NTM: variants seen among roughly 807,000 people sequenced by gnomAD.
NTM encodes neurotrimin.
In NTM, 13 loss-of-function variants were observed where a neutral mutation model predicts 42.1. The observed-to-expected ratio is 0.31, with a 90% CI of 0.20 to 0.49. NTM has a LOEUF of 0.49. Ranked by LOEUF, NTM falls within the 20% of genes least tolerant of loss-of-function variation. NTM has a pLI of 0.99. For missense variants in NTM, 373 were observed against 452.8 expected (o/e 0.82, Z 1.60); for synonymous variants, 187 against 179.2 (o/e 1.04, Z -0.35).
chr11:131,389,551 G>A (rs771706392), intron 1 of NTM, among the ~76,000 whole-genome samples: 3 of 152,186 alleles, frequency 2.0e-5, no homozygotes, highest in African/African-American at 7.2e-5. Context: ...CGGGAAGAAC[G>A]TGTAAAACTA....
intron 1 of NTM, among the ~76,000 whole-genome samples, chr11:131,690,754 G>A: frequency 6.6e-6 from 1 of 152,316 alleles, no homozygotes; most frequent in Admixed American, 6.5e-5. Flanking sequence ...CCACATCCTT[G>A]GGGAACAAAA....
At chr11:131,794,086 T>C (rs548195042) in intron 1 of NTM, among the ~76,000 whole-genome samples, 34 of 152,174 alleles carry the variant, frequency 2.2e-4, no homozygotes, top group Non-Finnish European at 4.3e-4. Flanking sequence ...CATGGACGGT[T>C]CTCCAGGCAG....
chr11:131,597,129 C>G (rs887469267), intron 1 of NTM, among the ~76,000 whole-genome samples: 1 of 152,270 alleles, frequency 6.6e-6, no homozygotes, highest in Non-Finnish European at 1.5e-5. Flanking sequence ...CCTTTGGCAA[C>G]GCCCTCACAC....
At chr11:132,241,152 T>G (rs1047859595) in intron 4 of NTM, among the ~76,000 whole-genome samples, 3 of 152,226 alleles carry the variant, frequency 2.0e-5, no homozygotes, top group Admixed American at 2.0e-4. Flanking sequence ...TACACAGATA[T>G]TCCAGTATTT....
intron 2 of NTM, among the ~76,000 whole-genome samples, chr11:132,081,594 T>C (rs1247849775): frequency 5.3e-5 from 8 of 151,778 alleles, no homozygotes; most frequent in Non-Finnish European, 1.2e-4. Context: ...TAGCCGGACG[T>C]GGTGGCGGGC....
chr11:132,021,637 G>T (rs755583059), intron 2 of NTM, among the ~76,000 whole-genome samples: 2 of 152,002 alleles, frequency 1.3e-5, no homozygotes, highest in African/African-American at 4.8e-5. Flanking sequence ...GGGATTTTTT[G>T]ATGTTTTTAA....
intron 1 of NTM, among the ~76,000 whole-genome samples, chr11:131,867,177 C>T (rs1441307519): frequency 6.6e-6 from 1 of 152,234 alleles, no homozygotes; most frequent in East Asian, 1.9e-4. Context: ...GCTATTTACG[C>T]TTTGTGCAGG....
In NTM at chr11:131,401,828, A is replaced by ATG. The variant is rs1408568609; in HGVS notation, c.82+30941_82+30942insGT. Among the ~76,000 whole-genome samples the ATG allele has an allele frequency of 4.6e-3, 247 of 53,376 alleles. 21 individuals carry two copies. Among genetic ancestry groups the ATG allele is most frequent in the Admixed American group, 0.013 (78 of 6,132 alleles). 35.0% of individuals were successfully genotyped at this position (53,376 alleles called of 152,430 possible). On this transcript the variant is annotated intron_variant, in intron 1 of 8. Transcript: ENST00000683400. ...TATATATATATATATATATATATAT[A>ATG]TATATATATATATATATATATATAT...
At chr11:132,027,567 C>T (rs563178449) in intron 2 of NTM, among the ~76,000 whole-genome samples, 6 of 152,248 alleles carry the variant, frequency 3.9e-5, no homozygotes, top group African/African-American at 1.2e-4. Context: ...TTTCACTCGA[C>T]GCTCCTCTTC....
chr11:131,641,483 G>T (rs1017096617), intron 1 of NTM, among the ~76,000 whole-genome samples: 10 of 152,300 alleles, frequency 6.6e-5, no homozygotes, highest in Middle Eastern at 3.4e-3. Flanking sequence ...GCCTCTCTGA[G>T]ACCTCCATGG....
chr11:131,737,928 T>C (rs1215982921), intron 1 of NTM, among the ~76,000 whole-genome samples: 2 of 152,198 alleles, frequency 1.3e-5, no homozygotes, highest in South Asian at 2.1e-4. Context: ...TCTTTTTTGA[T>C]ATGAAAATTA....
chr11:131,376,606 A>C (rs1460628074), intron 1 of NTM, among the ~76,000 whole-genome samples: 1 of 152,218 alleles, frequency 6.6e-6, no homozygotes, highest in Non-Finnish European at 1.5e-5. Flanking sequence ...CTAAGAAATC[A>C]AATATTGGAA....
At chr11:131,626,140 T>G (rs1021993075) in intron 1 of NTM, among the ~76,000 whole-genome samples, 1 of 152,122 alleles carries the variant, frequency 6.6e-6, no homozygotes, top group Non-Finnish European at 1.5e-5. Context: ...ACTTTATAGA[T>G]GTTGAAATTA....
chr11:131,697,354 G>A (rs1243479874), intron 1 of NTM, among the ~76,000 whole-genome samples: 5 of 152,206 alleles, frequency 3.3e-5, no homozygotes, highest in Non-Finnish European at 1.5e-5. Flanking sequence ...TACCGTTGCA[G>A]CTTCATCCAG....
intron 1 of NTM, among the ~76,000 whole-genome samples, chr11:131,447,136 A>G (rs1950120656): frequency 1.3e-5 from 2 of 152,196 alleles, no homozygotes; most frequent in African/African-American, 4.8e-5. Context: ...CAGGGAGATG[A>G]ATATTCTCCT....
At chr11:131,525,409 G>T (rs567027755) in intron 1 of NTM, among the ~76,000 whole-genome samples, 1 of 152,242 alleles carries the variant, frequency 6.6e-6, no homozygotes, top group Non-Finnish European at 1.5e-5. Context: ...GGCGAGACAA[G>T]GGAAGTGGTT....
intron 1 of NTM, among the ~76,000 whole-genome samples, chr11:131,446,514 A>T (rs1030105611): frequency 3.3e-5 from 5 of 149,292 alleles, no homozygotes; most frequent in African/African-American, 1.3e-4. Flanking sequence ...TTAGAACATT[A>T]AAAAAAATGA....
intron 1 of NTM, among the ~76,000 whole-genome samples, chr11:131,782,037 G>A (rs1591798822): frequency 6.6e-6 from 1 of 152,336 alleles, no homozygotes; most frequent in South Asian, 2.1e-4. Context: ...ACCAGCTAGA[G>A]TGGAGAGATT....
At chr11:132,242,053 T>G (rs2090297358) in intron 4 of NTM, among the ~76,000 whole-genome samples, 1 of 152,204 alleles carries the variant, frequency 6.6e-6, no homozygotes, top group Non-Finnish European at 1.5e-5. Context: ...CACAATAGAT[T>G]GTGGTTGTTT....
Sources: gnomAD v4.1 joint callset for allele counts (sites outside exome capture counted in the v4.1 genomes callset) on GRCh38, gnomAD v4.1.1 for gene constraint, MANE v1.5 for transcripts, NCBI Gene and HGNC (gene_info 2026-07-23, HGNC 2026-07-21) for gene names.